Variants in PSD3 observed in about 807,000 individuals in gnomAD.
PSD3 encodes the protein pleckstrin and Sec7 domain containing 3.
A neutral mutation model predicts 105.5 loss-of-function variants in PSD3; 49 were observed. The ratio of observed to expected loss-of-function variants is 0.46; its 90% confidence interval spans 0.37 to 0.59. The LOEUF is 0.59. Ranked by LOEUF, PSD3 falls within the 20% of genes least tolerant of loss-of-function variation. The pLI is 0.00. For missense variants in PSD3, 1,561 were observed against 1,263.8 expected (o/e 1.24, Z -3.57); for synonymous variants, 557 against 457.8 (o/e 1.22, Z -2.77).
At chr8:18,958,264 G>A (rs936879774) in intron 1 of PSD3, among the ~76,000 whole-genome samples, 1 of 152,138 alleles carries the variant, frequency 6.6e-6, no homozygotes, top group African/African-American at 2.4e-5. Flanking sequence ...ACATAATTAT[G>A]TATGCACACA....
chr8:18,779,895 G>A (rs2129445164), intron 8 of PSD3, among the ~76,000 whole-genome samples: 1 of 152,260 alleles, frequency 6.6e-6, no homozygotes, highest in African/African-American at 2.4e-5. Flanking sequence ...TACTTGTTCT[G>A]TAGCTGTTGG....
intron 10 of PSD3, among the ~76,000 whole-genome samples, chr8:18,646,239 T>A (rs898277892): frequency 1.3e-5 from 2 of 152,146 alleles, no homozygotes; most frequent in African/African-American, 4.8e-5. Flanking sequence ...CCCTCATAAA[T>A]GTCTTCATCC....
chr8:18,589,711 C>G (rs962339755), intron 12 of PSD3, among the ~76,000 whole-genome samples: 1 of 152,174 alleles, frequency 6.6e-6, no homozygotes, highest in South Asian at 2.1e-4. Context: ...ATCAAAGTGG[C>G]AAGAAGCAGC....
At chr8:19,017,998 ACT>A (rs1827231142), upstream of PSD3, among the ~76,000 whole-genome samples, 1 of 152,024 alleles carries the variant, frequency 6.6e-6, no homozygotes, top group South Asian at 2.1e-4. Context: ...TGGCCGCACC[ACT>A]CTACATTCCT....
At chr8:18,967,740 A>G (rs994581660) in intron 1 of PSD3, among the ~76,000 whole-genome samples, 1 of 152,198 alleles carries the variant, frequency 6.6e-6, no homozygotes, top group African/African-American at 2.4e-5. Flanking sequence ...AAAAATATCT[A>G]CTAGCTGCCA....
At chr8:18,716,266 A>G (rs149499499) in intron 9 of PSD3, among the ~76,000 whole-genome samples, 7 of 152,330 alleles carry the variant, frequency 4.6e-5, no homozygotes, top group Middle Eastern at 3.4e-3. Flanking sequence ...CTCACCTTAC[A>G]CACCTCATAT....
intron 4 of PSD3, among the ~76,000 whole-genome samples, chr8:18,820,853 A>T (rs557225994): frequency 8.6e-6 from 1 of 116,788 alleles, no homozygotes; most frequent in East Asian, 2.7e-4. Context: ...TCCTGGGCAC[A>T]GGCAATCCTC....
At position 18,561,264 on chromosome 8, in the gene PSD3, A is replaced by G. The variant is rs74998106; in HGVS notation, c.2785-4912T>C. Among the ~76,000 whole-genome samples, 1,006 of 152,342 alleles carry G rather than the reference A, an allele frequency of 6.6e-3. 1 individual carries two copies. Among genetic ancestry groups the G allele is most frequent in the Non-Finnish European group, 0.012 (791 of 68,034 alleles). On this transcript the variant is annotated intron_variant, in intron 14 of 15. Coordinates refer to ENST00000327040, the MANE Select transcript of PSD3 (RefSeq NM_015310.4). ...GAAAAATGGATAAGGAAAATGTGGT[A>G]TATATACACAATGGAGTATTATTTA...
chr8:18,584,227 A>G (rs1410849842), intron 12 of PSD3, among the ~76,000 whole-genome samples: 1 of 152,172 alleles, frequency 6.6e-6, no homozygotes, highest in Non-Finnish European at 1.5e-5. Context: ...AAGTGCAATC[A>G]GAGAAAGGGC....
chr8:18,969,110 A>G (rs1267014446), intron 1 of PSD3, among the ~76,000 whole-genome samples: 1 of 152,220 alleles, frequency 6.6e-6, no homozygotes, highest in Non-Finnish European at 1.5e-5. Context: ...AACATAAAAC[A>G]TATTAACTTA....
At chr8:18,561,051 T>C (rs1164704595) in intron 14 of PSD3, among the ~76,000 whole-genome samples, 1 of 152,174 alleles carries the variant, frequency 6.6e-6, no homozygotes, top group Non-Finnish European at 1.5e-5. Flanking sequence ...AAACTAAAAA[T>C]GGAATTACCA....
At chr8:18,805,562 C>A (rs1195486555) in intron 4 of PSD3, among the ~76,000 whole-genome samples, 1 of 152,104 alleles carries the variant, frequency 6.6e-6, no homozygotes, top group East Asian at 1.9e-4. Flanking sequence ...TTCTTACTTG[C>A]AATATGGAAT....
At chr8:18,819,306 C>G (rs768609652) in intron 4 of PSD3, among the ~76,000 whole-genome samples, 2 of 152,076 alleles carry the variant, frequency 1.3e-5, no homozygotes, top group African/African-American at 2.4e-5. Context: ...GATAAAGTAA[C>G]AGGCAGCACA....
chr8:18,721,670 C>G (rs1802982210), intron 9 of PSD3, among the ~76,000 whole-genome samples: 1 of 152,156 alleles, frequency 6.6e-6, no homozygotes, highest in South Asian at 2.1e-4. Context: ...ACTGCATAAA[C>G]CGATGATCAT....
At chr8:19,065,333 C>G (rs1394787082) in intron 1 of PSD3, among the ~76,000 whole-genome samples, 1 of 152,136 alleles carries the variant, frequency 6.6e-6, no homozygotes, top group East Asian at 1.9e-4. Context: ...AGTAAACAAT[C>G]AGCTCTGCGG....
At chr8:18,817,318 T>C (rs1812297878) in intron 4 of PSD3, among the ~76,000 whole-genome samples, 1 of 152,196 alleles carries the variant, frequency 6.6e-6, no homozygotes, top group Admixed American at 6.5e-5. Context: ...CCCCCTGTAA[T>C]TCTGCAGTAC....
chr8:18,594,212 AT>A (rs1803859424), intron 12 of PSD3, among the ~76,000 whole-genome samples: 1 of 9,100 alleles, frequency 1.1e-4, no homozygotes, highest in Admixed American at 2.7e-3. Flanking sequence ...TATAATATAT[AT>A]TATTATATAT....
chr8:18,722,568 C>G (rs1458174760), intron 9 of PSD3, among the ~76,000 whole-genome samples: 1 of 152,140 alleles, frequency 6.6e-6, no homozygotes, highest in Non-Finnish European at 1.5e-5. Context: ...ATTTCCTCCC[C>G]CTTCATTTCC....
chr8:18,888,787 A>T (rs1035635045), intron 2 of PSD3, among the ~76,000 whole-genome samples: 1 of 152,142 alleles, frequency 6.6e-6, no homozygotes, highest in Non-Finnish European at 1.5e-5. Flanking sequence ...TCCCTATGAG[A>T]TGTAAGCTGG....
Sources: gnomAD v4.1 joint callset for allele counts (sites outside exome capture counted in the v4.1 genomes callset) on GRCh38, gnomAD v4.1.1 for gene constraint, MANE v1.5 for transcripts, NCBI Gene and HGNC (gene_info 2026-07-23, HGNC 2026-07-21) for gene names.